KIAA1217: variants seen among roughly 807,000 people sequenced by gnomAD.
KIAA1217 encodes KIAA1217, also known as sickle tail protein homolog.
Under a neutral mutation model 163.9 loss-of-function variants are expected in KIAA1217, and 88 were observed. That is an observed-to-expected ratio of 0.54 (90% confidence interval 0.45 to 0.64). The LOEUF is 0.64. Ranked by LOEUF, KIAA1217 falls within the 30% of genes least tolerant of loss-of-function variation. The pLI, the probability that KIAA1217 is intolerant of heterozygous loss-of-function variation, is 0.00. For missense variants in KIAA1217, 2,372 were observed against 2,475.0 expected (o/e 0.96, Z 0.88); for synonymous variants, 903 against 923.1 (o/e 0.98, Z 0.39).
At chr10:24,221,885 A>T (rs1174523344) in intron 2 of KIAA1217, among the ~76,000 whole-genome samples, 1 of 152,136 alleles carries the variant, frequency 6.6e-6, no homozygotes, top group African/African-American at 2.4e-5. Context: ...AAATTTAAAA[A>T]AATTAACTGG....
chr10:24,404,883 G>A (rs1435851519), intron 3 of KIAA1217, among the ~76,000 whole-genome samples: 1 of 152,178 alleles, frequency 6.6e-6, no homozygotes, highest in Non-Finnish European at 1.5e-5. Flanking sequence ...AGTCTCTAAA[G>A]TTTACATACT....
intron 1 of KIAA1217, among the ~76,000 whole-genome samples, chr10:23,856,592 G>A (rs956476186): frequency 1.3e-5 from 2 of 152,252 alleles, no homozygotes; most frequent in Admixed American, 1.3e-4. Context: ...CTTTTTGTTT[G>A]TCTGTGACCT....
chr10:24,085,116 G>A (rs2037559503), intron 2 of KIAA1217, among the ~76,000 whole-genome samples: 1 of 151,884 alleles, frequency 6.6e-6, no homozygotes, highest in Non-Finnish European at 1.5e-5. Flanking sequence ...GCGTTTCACC[G>A]TGTTAGCCAG....
intron 1 of KIAA1217, among the ~76,000 whole-genome samples, chr10:23,772,957 T>G (rs1834858855): frequency 6.6e-6 from 1 of 152,204 alleles, no homozygotes; most frequent in African/African-American, 2.4e-5. Flanking sequence ...CTAATTTTGT[T>G]TCTGGTTTCT....
At chr10:24,246,205 A>G (rs962173209) in intron 2 of KIAA1217, among the ~76,000 whole-genome samples, 1 of 152,186 alleles carries the variant, frequency 6.6e-6, no homozygotes, top group Non-Finnish European at 1.5e-5. Context: ...GTGTGTGTTT[A>G]TGACGGTCAG....
chr10:23,997,768 A>C (rs1034162225), intron 1 of KIAA1217, among the ~76,000 whole-genome samples: 1 of 152,028 alleles, frequency 6.6e-6, no homozygotes, highest in Admixed American at 6.6e-5. Flanking sequence ...AGGGCCCTGT[A>C]TATTCTTTCA....
chr10:24,415,087 C>A (rs2058117169), intron 3 of KIAA1217, among the ~76,000 whole-genome samples: 3 of 149,240 alleles, frequency 2.0e-5, no homozygotes, highest in Admixed American at 6.7e-5. Context: ...CAGTCTGGAG[C>A]AGCATGGTAG....
chr10:24,093,457 C>T (rs2062019735), intron 2 of KIAA1217, among the ~76,000 whole-genome samples: 1 of 151,600 alleles, frequency 6.6e-6, no homozygotes, highest in South Asian at 2.1e-4. Context: ...CAGGTGTGAG[C>T]CACCACTCTC....
At chr10:24,261,615 G>A (rs1393219864) in intron 2 of KIAA1217, among the ~76,000 whole-genome samples, 1 of 152,044 alleles carries the variant, frequency 6.6e-6, no homozygotes, top group African/African-American at 2.4e-5. Context: ...GGGACTTGGT[G>A]ACTGCTTCTA....
At chr10:24,077,962 A>G (rs1387050409) in intron 2 of KIAA1217, among the ~76,000 whole-genome samples, 1 of 151,880 alleles carries the variant, frequency 6.6e-6, no homozygotes, top group African/African-American at 2.4e-5. Context: ...CTTTTTTTTC[A>G]TATCGTTGTT....
At chr10:23,866,676 C>A (rs1310359918) in intron 1 of KIAA1217, among the ~76,000 whole-genome samples, 1 of 151,784 alleles carries the variant, frequency 6.6e-6, no homozygotes, top group African/African-American at 2.4e-5. Flanking sequence ...TCCCTCTTGC[C>A]CATTTGTTCA....
At chr10:23,855,294 G>A (rs1839593180) in intron 1 of KIAA1217, among the ~76,000 whole-genome samples, 1 of 152,160 alleles carries the variant, frequency 6.6e-6, no homozygotes, top group African/African-American at 2.4e-5. Flanking sequence ...GGGTGGATAT[G>A]AAATTCTGGG....
At position 23,769,362 on chromosome 10, in the gene KIAA1217, T is replaced by A. The variant is rs1432734593; in HGVS notation, c.-321+74128T>A. On this transcript the variant is annotated intron_variant, in intron 1 of 18. Transcript: ENST00000376462. ...AATATCTCAGGCACTGATCTTAGGC[T>A]TTACAGTAGTGATGTTATCCCCAGG... 7.2e-5 allele frequency among the ~76,000 whole-genome samples: 11 copies of A among 152,244 alleles called. No individual in the cohort carries two copies. In the East Asian group the frequency reaches 2.1e-3, roughly 29 times the overall value.
At chr10:24,305,456 T>G (rs1454115882) in intron 2 of KIAA1217, among the ~76,000 whole-genome samples, 2 of 152,204 alleles carry the variant, frequency 1.3e-5, no homozygotes, top group Non-Finnish European at 2.9e-5. Context: ...GGGTGTTACA[T>G]TGAATATTGC....
intron 1 of KIAA1217, among the ~76,000 whole-genome samples, chr10:23,934,723 T>C (rs1328861307): frequency 6.7e-6 from 1 of 149,030 alleles, no homozygotes; most frequent in Non-Finnish European, 1.5e-5. Context: ...GTTCACGCCA[T>C]TCTCCTGCCT....
At chr10:24,252,989 C>T (rs1174740609) in intron 2 of KIAA1217, among the ~76,000 whole-genome samples, 5 of 92,550 alleles carry the variant, frequency 5.4e-5, no homozygotes, top group Non-Finnish European at 1.1e-4. Flanking sequence ...CCCGCCTCTA[C>T]AAATAATTAA....
intron 2 of KIAA1217, among the ~76,000 whole-genome samples, chr10:24,119,943 G>T (rs1356141044): frequency 6.6e-6 from 1 of 152,232 alleles, no homozygotes; most frequent in East Asian, 1.9e-4. Context: ...CAGCATGTCT[G>T]CAGGAGAAAG....
At chr10:24,013,887 T>G (rs1190337793) in intron 2 of KIAA1217, among the ~76,000 whole-genome samples, 1 of 152,076 alleles carries the variant, frequency 6.6e-6, no homozygotes, top group Non-Finnish European at 1.5e-5. Context: ...GGGAAAGATG[T>G]GTGTGCTCAC....
intron 2 of KIAA1217, among the ~76,000 whole-genome samples, chr10:24,341,210 CTCT>C (rs1337527677): frequency 1.3e-5 from 2 of 152,178 alleles, no homozygotes; most frequent in Admixed American, 1.3e-4. Flanking sequence ...TGCAAATGAA[CTCT>C]TCTTATTTTC....
Sources: allele counts gnomAD v4.1 joint callset (sites outside exome capture counted in the v4.1 genomes callset), GRCh38; gene constraint gnomAD v4.1.1; transcripts MANE v1.5; gene names NCBI Gene and HGNC (gene_info 2026-07-23, HGNC 2026-07-21).